Variants in MTBP observed in about 807,000 individuals in gnomAD.
MTBP encodes the protein mdm2-binding protein.
MTBP carries 101 observed loss-of-function variants against 117.0 expected under a neutral mutation model. The observed-to-expected ratio is 0.86, with a 90% CI of 0.73 to 1.02. The LOEUF is 1.02. Among genes scored for constraint, MTBP ranks in the 50% least tolerant of loss-of-function variants. The pLI is 0.00. For missense variants in MTBP, 970 were observed against 1,030.9 expected (o/e 0.94, Z 0.81); for synonymous variants, 350 against 351.5 (o/e 1.00, Z 0.05).
intron 11 of MTBP, 106 bp downstream of exon 11, chr8:120,471,043 T>C: frequency 1.3e-6 from 1 of 745,158 alleles, no homozygotes; most frequent in Non-Finnish European, 2.2e-6. Context: ...GGATTTCATA[T>C]TATTGCTACT....
At chr8:120,476,386 G>A (rs951992728) in intron 11 of MTBP, among the ~76,000 whole-genome samples, 1 of 152,026 alleles carries the variant, frequency 6.6e-6, no homozygotes, top group Non-Finnish European at 1.5e-5. Context: ...ATTCAACATA[G>A]TATTGGAAGT....
chr8:120,450,618 G>A (rs1813318490), intron 2 of MTBP, among the ~76,000 whole-genome samples: 1 of 152,166 alleles, frequency 6.6e-6, no homozygotes, highest in South Asian at 2.1e-4. Context: ...AACCTGCATA[G>A]TCTTTGGAGA....
intron 18 of MTBP, among the ~76,000 whole-genome samples, chr8:120,517,052 G>C (rs1321537612): frequency 6.6e-6 from 1 of 151,852 alleles, no homozygotes; most frequent in Non-Finnish European, 1.5e-5. Context: ...CTGACCTATG[G>C]CTAATAAAAA....
chr8:120,498,677 C>T (rs1476807208), intron 14 of MTBP, among the ~76,000 whole-genome samples: 8 of 152,102 alleles, frequency 5.3e-5, no homozygotes, highest in Admixed American at 5.2e-4. Flanking sequence ...GAGAGAACTA[C>T]AAGTAGGGTA....
At chr8:120,516,672 C>T (rs534026914) in intron 18 of MTBP, among the ~76,000 whole-genome samples, 66 of 152,050 alleles carry the variant, frequency 4.3e-4, no homozygotes, top group African/African-American at 1.2e-3. Flanking sequence ...TTTCTGGATG[C>T]GTTAGTTTGC....
chr8:120,492,565 T>TAG (rs1814368217), intron 13 of MTBP, among the ~76,000 whole-genome samples: 2 of 152,116 alleles, frequency 1.3e-5, no homozygotes, highest in African/African-American at 4.8e-5. Flanking sequence ...AAAACAAAAT[T>TAG]TGTTCAAAAA....
intron 10 of MTBP, among the ~76,000 whole-genome samples, chr8:120,469,706 C>A (rs1813777937): frequency 6.6e-6 from 1 of 152,114 alleles, no homozygotes; most frequent in Non-Finnish European, 1.5e-5. Context: ...ACATAAACAG[C>A]AAGTAATAAG....
At chr8:120,450,557 C>T (rs568213100) in intron 2 of MTBP, among the ~76,000 whole-genome samples, 1 of 152,218 alleles carries the variant, frequency 6.6e-6, no homozygotes, top group East Asian at 1.9e-4. Flanking sequence ...TCTTCCTTAT[C>T]TTTAGACTGG....
intron 13 of MTBP, among the ~76,000 whole-genome samples, chr8:120,493,410 A>C (rs934746721): frequency 2.6e-5 from 4 of 152,148 alleles, no homozygotes; most frequent in Admixed American, 1.3e-4. Context: ...TTGTAATATA[A>C]TTGACAGGTT....
chr8:120,510,056 T>G, intron 17 of MTBP, 27 bp downstream of exon 17: 1 of 1,470,530 alleles, frequency 6.8e-7, no homozygotes, highest in Non-Finnish European at 9.4e-7. Flanking sequence ...ACTTTACTCT[T>G]CTGTATGTTG....
At chr8:120,485,363 A>G (rs1027085576) in intron 11 of MTBP, among the ~76,000 whole-genome samples, 3 of 152,124 alleles carry the variant, frequency 2.0e-5, no homozygotes, top group Non-Finnish European at 2.9e-5. Flanking sequence ...TAATTTCCAC[A>G]TATTTGTTAA....
chr8:120,463,655 G>A lies in MTBP; in HGVS notation c.978-37G>A, dbSNP rs1203362086. The A allele has an allele frequency of 2.7e-6, 4 of 1,475,818 alleles. No individual in the cohort carries two copies. The East Asian group carries it at 9.2e-5, about 34-fold the overall frequency. The allele number at this position is 1,475,818 out of a possible 1,614,324, so 91.4% of individuals were successfully genotyped here. On this transcript the variant is annotated intron_variant, in intron 9 of 21. Coordinates refer to ENST00000305949, the MANE Select transcript of MTBP (RefSeq NM_022045.5). ...ATTTTAAGGAGTACATTGTTTCATG[G>A]GTACCATTACATCATTTCTTTAACT...
At chr8:120,451,139 C>G (rs147933118) in intron 3 of MTBP, 32 bp from the exon 4 acceptor site, 1 of 1,575,150 alleles carries the variant, frequency 6.3e-7, no homozygotes, top group Non-Finnish European at 8.7e-7. Flanking sequence ...ATTTCATGAT[C>G]CATTATTTAA....
At chr8:120,512,790 C>T (rs924028924) in intron 17 of MTBP, among the ~76,000 whole-genome samples, 13 of 151,850 alleles carry the variant, frequency 8.6e-5, no homozygotes, top group Admixed American at 3.3e-4. Context: ...GAGGTGAGCA[C>T]CATGAATTCA....
At chr8:120,520,033 A>C (rs1814987931) in intron 20 of MTBP, among the ~76,000 whole-genome samples, 1 of 152,130 alleles carries the variant, frequency 6.6e-6, no homozygotes, top group Non-Finnish European at 1.5e-5. Flanking sequence ...AACCAGTGAC[A>C]ATCTCTGCAC....
intron 5 of MTBP, among the ~76,000 whole-genome samples, chr8:120,455,071 G>GTT (rs145191598): frequency 6.7e-6 from 1 of 148,684 alleles, no homozygotes; most frequent in Admixed American, 6.7e-5. Flanking sequence ...AATTGCACAG[G>GTT]TTTTTTTTTT....
chr8:120,474,177 C>T (rs1018839072), intron 11 of MTBP, among the ~76,000 whole-genome samples: 8 of 151,650 alleles, frequency 5.3e-5, no homozygotes, highest in African/African-American at 1.9e-4. Context: ...AATAATAAGA[C>T]ACAGATCACA....
At chr8:120,488,440 C>A (rs918699860) in intron 12 of MTBP, 108 bp downstream of exon 12, 2 of 776,402 alleles carry the variant, frequency 2.6e-6, no homozygotes, top group African/African-American at 1.8e-5. Flanking sequence ...AATTTATTTT[C>A]GCCAAACTCC....
chr8:120,449,389 T>C (rs1379914392), intron 2 of MTBP, among the ~76,000 whole-genome samples: 1 of 152,142 alleles, frequency 6.6e-6, no homozygotes, highest in Non-Finnish European at 1.5e-5. Context: ...GAAGTAAAAA[T>C]GTAAAAATGT....
Sources: allele counts gnomAD v4.1 joint callset (sites outside exome capture counted in the v4.1 genomes callset), GRCh38; gene constraint gnomAD v4.1.1; transcripts MANE v1.5; gene names NCBI Gene and HGNC (gene_info 2026-07-23, HGNC 2026-07-21).